The following LRRC36 variants were observed in gnomAD, a reference collection of about 807,000 sequenced individuals.
LRRC36 encodes leucine-rich repeat-containing protein 36.
In LRRC36, 62 loss-of-function variants were observed where a neutral mutation model predicts 81.1. The observed-to-expected ratio is 0.76, with a 90% CI of 0.62 to 0.94. The LOEUF is 0.94. Ranked by LOEUF, LRRC36 falls within the 40% of genes least tolerant of loss-of-function variation. The probability of loss-of-function intolerance (pLI) is 0.00; values close to 1 mark genes in which losing one functional copy is unlikely to be tolerated. For synonymous variants in LRRC36, 334 were observed against 348.6 expected (o/e 0.96, Z 0.47); for missense variants, 761 against 881.7 (o/e 0.86, Z 1.73).
chr16:67,379,696 C>T (rs1291281096), intron 12 of LRRC36, among the ~76,000 whole-genome samples: 1 of 152,136 alleles, frequency 6.6e-6, no homozygotes, highest in African/African-American at 2.4e-5. Context: ...CAGAGCAAGA[C>T]TCCCTCTCAA....
At chr16:67,352,989 T>C (rs1190267827) in intron 5 of LRRC36, among the ~76,000 whole-genome samples, 2 of 152,132 alleles carry the variant, frequency 1.3e-5, no homozygotes. Context: ...GCCCAGCCTG[T>C]TTATTTATTT....
chr16:67,364,146 A>G, intron 6 of LRRC36, among the ~76,000 whole-genome samples: 1 of 152,240 alleles, frequency 6.6e-6, no homozygotes, highest in East Asian at 1.9e-4. Context: ...CTGCCTCTGC[A>G]GTATAACAGA....
intron 1 of LRRC36, among the ~76,000 whole-genome samples, chr16:67,331,089 G>C (rs1028002789): frequency 1.3e-5 from 2 of 151,044 alleles, no homozygotes; most frequent in Non-Finnish European, 2.9e-5. Flanking sequence ...GAGAGAGAGA[G>C]AGAGAGAGAG....
chr16:67,328,845 A>G (rs2037337256), intron 1 of LRRC36, among the ~76,000 whole-genome samples: 1 of 151,556 alleles, frequency 6.6e-6, no homozygotes, highest in South Asian at 2.1e-4. Context: ...TACACTGACT[A>G]TTTTGAAGCA....
chr16:67,345,330 A>AG, intron 2 of LRRC36, among the ~76,000 whole-genome samples: 1 of 138,494 alleles, frequency 7.2e-6, no homozygotes. Flanking sequence ...AAAAAAAAAA[A>AG]GTATGCGATT....
intron 1 of LRRC36, chr16:67,336,747 C>T (rs1204513735): frequency 6.7e-6 from 1 of 148,782 alleles, no homozygotes; most frequent in African/African-American, 2.6e-5. Flanking sequence ...GCCACTGCAT[C>T]CAGTTTTTCT....
chr16:67,384,108 T>A (rs755481000), intron 13 of LRRC36, among the ~76,000 whole-genome samples: 3 of 152,216 alleles, frequency 2.0e-5, no homozygotes, highest in Admixed American at 6.5e-5. Context: ...TACATTTTTT[T>A]CTTTTTGCCA....
intron 1 of LRRC36, among the ~76,000 whole-genome samples, chr16:67,334,365 C>T (rs890081558): frequency 1.3e-5 from 2 of 151,636 alleles, no homozygotes; most frequent in East Asian, 3.9e-4. Flanking sequence ...TGTTCTGTTG[C>T]CCAGGCTGGA....
At position 67,341,061 on chromosome 16, in the gene LRRC36, T is replaced by A. The variant is rs1311690372; in HGVS notation, c.71-896T>A. Among the ~76,000 whole-genome samples the A allele has an allele frequency of 1.0e-4, 12 of 118,246 alleles. 3 individuals are homozygous for A. Among genetic ancestry groups the A allele is most frequent in the African/African-American group, 4.2e-4 (12 of 28,412 alleles). 77.6% of individuals were successfully genotyped at this position (118,246 alleles called of 152,430 possible). On this transcript the variant is annotated intron_variant, in intron 1 of 13. Coordinates refer to ENST00000329956, the MANE Select transcript of LRRC36 (RefSeq NM_018296.6). ...TCTATAGAATATGTACTCTACATAT[T>A]CTATAGAATATGTACTCTACATATT...
At chr16:67,327,241 G>T (rs1282489336) in intron 1 of LRRC36, among the ~76,000 whole-genome samples, 1 of 152,124 alleles carries the variant, frequency 6.6e-6, no homozygotes, top group African/African-American at 2.4e-5. Flanking sequence ...TGCGGGGGGC[G>T]GTGGCTGACC....
At chr16:67,348,773 C>T (rs2038477232) in intron 4 of LRRC36, among the ~76,000 whole-genome samples, 1 of 152,132 alleles carries the variant, frequency 6.6e-6, no homozygotes, top group Admixed American at 6.5e-5. Context: ...GTTGGTCTTG[C>T]TTATTACAGT....
intron 13 of LRRC36, among the ~76,000 whole-genome samples, chr16:67,383,556 T>G (rs1420402750): frequency 1.3e-5 from 2 of 152,222 alleles, no homozygotes; most frequent in Non-Finnish European, 2.9e-5. Context: ...GCTACTGGTC[T>G]GGGGACCACA....
At chr16:67,327,940 G>A (rs2037278983) in intron 1 of LRRC36, among the ~76,000 whole-genome samples, 1 of 152,048 alleles carries the variant, frequency 6.6e-6, no homozygotes, top group Non-Finnish European at 1.5e-5. Flanking sequence ...TGGGGAGGAG[G>A]GAAACCAGAT....
At chr16:67,348,019 G>A (rs910691849) in intron 4 of LRRC36, among the ~76,000 whole-genome samples, 5 of 152,098 alleles carry the variant, frequency 3.3e-5, no homozygotes, top group Non-Finnish European at 7.4e-5. Flanking sequence ...ATTTCTCTTC[G>A]AAACAAAAAG....
Position 67,356,590 on chromosome 16 carries a change from A to G in LRRC36, c.577+6300A>G, listed in dbSNP as rs142022334. On this transcript the variant is annotated intron_variant, in intron 5 of 13. Coordinates refer to ENST00000329956, the MANE Select transcript of LRRC36 (RefSeq NM_018296.6). ...GTGTTGGGGGTAGGCAGACAAGGAC[A>G]TGATTAAAATAGTGTCACGTCTTCA... Among the ~76,000 whole-genome samples the G allele has an allele frequency of 2.0e-4, 31 of 152,322 alleles. No individual in the cohort carries two copies. The East Asian group carries it at 4.8e-3, about 24-fold the overall frequency.
intron 9 of LRRC36, chr16:67,371,556 C>T: frequency 2.7e-6 from 1 of 372,834 alleles, no homozygotes. Flanking sequence ...GCTTCGGCCA[C>T]ACATGAAATA....
chr16:67,347,385 A>G, intron 3 of LRRC36, 110 bp from the exon 4 acceptor site: 1 of 1,542,092 alleles, frequency 6.5e-7, no homozygotes, highest in Non-Finnish European at 8.8e-7. Flanking sequence ...TAACACACCA[A>G]GATGAGACTG....
Position 67,367,235 on chromosome 16 carries a change from C to T in LRRC36, c.973C>T (p.Pro325Ser). 1.2e-6 allele frequency: 2 copies of T among 1,614,200 alleles called. No homozygotes were observed. The highest frequency in any genetic ancestry group is 1.7e-6 in the Non-Finnish European group (2 of 1,180,020). ...DSSQIHPYQL[P>S]SDVGLENYDS... Reference sequence around the variant, plus strand: ...TAGCCAGATCCATCCCTATCAGTTACCTTCAGATGTTGGTCTGGAAAATTA... The same window carrying T: ...TAGCCAGATCCATCCCTATCAGTTATCTTCAGATGTTGGTCTGGAAAATTA... The change falls in exon 8 of 14, where the codon CCT becomes TCT. Residue 325 changes from proline (P) to serine (S), a missense_variant. Around this residue, in one of 3 missense-constraint regions of LRRC36, gnomAD observed 139 missense variants for 214.0 expected, o/e 0.65. Transcript: ENST00000329956.
In LRRC36 at chr16:67,346,378, T is replaced by C. The variant is rs1447450262; in HGVS notation, c.321T>C (p.Asn107=). Residue 107 remains asparagine (N), a synonymous_variant, in exon 3 of 14, where the codon AAT becomes AAC. Transcript: ENST00000329956. ...TCAAAGAACTGGATTTGAGACTTAA[T>C]CCTGTTGTAAGGAAAGATACAGATT... The part of the protein sequence containing the change: ...PFLKELDLRL[N]PVVRKDTDYR... 6.2e-6 allele frequency: 10 copies of C among 1,613,420 alleles called. No individual in the cohort carries two copies. The highest frequency in any genetic ancestry group is 1.6e-4 in the Middle Eastern group (1 of 6,062).
Sources: gnomAD v4.1 joint callset for allele counts (sites outside exome capture counted in the v4.1 genomes callset) on GRCh38, gnomAD v4.1.1 for gene constraint, gnomAD v4.1.1 regional missense constraint, MANE v1.5 for transcripts, NCBI Gene and HGNC (gene_info 2026-07-23, HGNC 2026-07-21) for gene names.